Variants in WBP1L observed in about 807,000 individuals in gnomAD.
WBP1L encodes the protein WW domain binding protein 1 like, also known as WW domain binding protein 1-like.
Under a neutral mutation model 33.7 loss-of-function variants are expected in WBP1L, and 17 were observed. The observed-to-expected ratio is 0.50, with a 90% CI of 0.34 to 0.76. The LOEUF is 0.76. WBP1L is among the 30% of genes least tolerant of loss of function. The pLI is 0.01. For missense variants in WBP1L, 389 were observed against 469.4 expected, an observed-to-expected ratio of 0.83 and a Z score of 1.58; for synonymous variants, 173 against 190.8, an observed-to-expected ratio of 0.91 and a Z score of 0.77.
At chr10:102,761,642 G>A (rs2134032237) in intron 1 of WBP1L, among the ~76,000 whole-genome samples, 1 of 152,092 alleles carries the variant, frequency 6.6e-6, no homozygotes, top group East Asian at 1.9e-4. Context: ...ATTTTTAGTG[G>A]AGACAGGGTT....
intron 1 of WBP1L, among the ~76,000 whole-genome samples, chr10:102,781,369 C>T (rs1171509808): frequency 6.6e-6 from 1 of 152,146 alleles, no homozygotes; most frequent in Non-Finnish European, 1.5e-5. Flanking sequence ...CAGCGGCCAC[C>T]CATGAGGGAG....
At chr10:102,761,718 T>C (rs559792345) in intron 1 of WBP1L, among the ~76,000 whole-genome samples, 1 of 152,066 alleles carries the variant, frequency 6.6e-6, no homozygotes, top group African/African-American at 2.4e-5. Context: ...GGCCTAATTT[T>C]TTGTATTTTT....
chr10:102,772,985 G>GCAT lies in WBP1L; in HGVS notation c.91-25007_91-25006insATC, dbSNP rs558226874. Among the ~76,000 whole-genome samples, 6 of 151,336 alleles carry GCAT rather than the reference G, an allele frequency of 4.0e-5. No homozygotes were observed. The South Asian group carries it at 1.0e-3, about 26-fold the overall frequency. On this transcript the variant is annotated intron_variant, in intron 1 of 3. Transcript: ENST00000448841. ...ATTGAATTTAATTCTGCATTGGCAG[G>GCAT]CGGATGACTAAAGTCATTTGAAGAA...
At chr10:102,752,880 C>T (rs1842938495) in intron 1 of WBP1L, among the ~76,000 whole-genome samples, 1 of 152,168 alleles carries the variant, frequency 6.6e-6, no homozygotes, top group Admixed American at 6.5e-5. Flanking sequence ...TTTCAGGCCC[C>T]CAAGAGGCAG....
At chr10:102,776,295 C>T (rs1034862270) in intron 1 of WBP1L, 44 of 1,611,740 alleles carry the variant, frequency 2.7e-5, no homozygotes, top group Admixed American at 2.0e-4. Flanking sequence ...CCAGGACCAC[C>T]GCACACACAG....
chr10:102,809,794 AC>A lies in WBP1L; in HGVS notation c.194-97del, dbSNP rs1843801754. The A allele has an allele frequency of 2.2e-6, 3 of 1,388,244 alleles. No individual in the cohort carries two copies. The South Asian group carries it at 4.2e-5, about 20-fold the overall frequency. 86.0% of individuals were successfully genotyped at this position (1,388,244 alleles called of 1,614,324 possible). On this transcript the variant is annotated intron_variant, in intron 2 of 3. Transcript: ENST00000448841. ...GTGAGGCCCAGCCATGCCAGCTTCA[AC>A]CACGTGGGCACCGTCCAGGGACCTC...
At chr10:102,789,431 A>T (rs1038612342) in intron 1 of WBP1L, among the ~76,000 whole-genome samples, 2 of 151,986 alleles carry the variant, frequency 1.3e-5, no homozygotes, top group African/African-American at 4.8e-5. Flanking sequence ...TTTTGCGTGG[A>T]TTTGATATTT....
chr10:102,756,875 C>T (rs1842983745), intron 1 of WBP1L, among the ~76,000 whole-genome samples: 1 of 151,432 alleles, frequency 6.6e-6, no homozygotes, highest in Non-Finnish European at 1.5e-5. Context: ...TCGAGACCAG[C>T]CTGGGCAACA....
chr10:102,776,056 C>T, intron 1 of WBP1L: 1 of 977,894 alleles, frequency 1.0e-6, no homozygotes, highest in Non-Finnish European at 1.2e-6. Flanking sequence ...AGCACATCCT[C>T]CTCAGTATTC....
intron 1 of WBP1L, among the ~76,000 whole-genome samples, chr10:102,761,817 G>A (rs1843045633): frequency 6.6e-6 from 1 of 151,854 alleles, no homozygotes; most frequent in Non-Finnish European, 1.5e-5. Context: ...CGAAAGTGCT[G>A]GGATTATAAG....
intron 1 of WBP1L, among the ~76,000 whole-genome samples, chr10:102,762,118 G>C (rs1843049055): frequency 6.6e-6 from 1 of 152,122 alleles, no homozygotes; most frequent in Non-Finnish European, 1.5e-5. Context: ...TTCCCAAAGT[G>C]CTAAGATTAC....
chr10:102,785,386 A>G (rs1470973342), intron 1 of WBP1L, among the ~76,000 whole-genome samples: 1 of 147,170 alleles, frequency 6.8e-6, no homozygotes. Flanking sequence ...ATGGGGTTTC[A>G]CCGTGTTAGC....
At chr10:102,779,953 G>A (rs552554803) in intron 1 of WBP1L, among the ~76,000 whole-genome samples, 2 of 152,028 alleles carry the variant, frequency 1.3e-5, no homozygotes, top group Non-Finnish European at 2.9e-5. Flanking sequence ...AGTTGTTTTT[G>A]TTTTCTTCTG....
chr10:102,769,356 C>CTTT (rs376863934), intron 1 of WBP1L, among the ~76,000 whole-genome samples: 1 of 134,656 alleles, frequency 7.4e-6, no homozygotes, highest in African/African-American at 2.6e-5. Flanking sequence ...TTTCTTTTTT[C>CTTT]TTTCTTTTTT....
chr10:102,815,952 T>C lies in WBP1L; in HGVS notation c.*2621T>C, dbSNP rs1478174689. ...CTGCCCTGCTCAGAGAGAGATTTAA[T>C]AGGGAGCTGAAGGAATCGTTAGGGG... On this transcript the variant is annotated 3_prime_UTR_variant, in exon 4 of 4. Transcript: ENST00000448841. 3.9e-5 allele frequency: 6 copies of C among 152,574 alleles called. No homozygotes were observed. Among genetic ancestry groups the C allele is most frequent in the African/African-American group, 7.2e-5 (3 of 41,430 alleles). 9.5% of individuals were successfully genotyped at this position (152,574 alleles called of 1,614,324 possible).
At chr10:102,754,613 G>C (rs544634896) in intron 1 of WBP1L, among the ~76,000 whole-genome samples, 1 of 152,172 alleles carries the variant, frequency 6.6e-6, no homozygotes, top group East Asian at 1.9e-4. Context: ...GGCCAGGCTG[G>C]TCTCGAACTC....
At chr10:102,749,569 C>G (rs1323838005) in intron 1 of WBP1L, among the ~76,000 whole-genome samples, 1 of 151,940 alleles carries the variant, frequency 6.6e-6, no homozygotes, top group African/African-American at 2.4e-5. Context: ...CCACCTTGGC[C>G]TCCCAAAGTG....
intron 1 of WBP1L, among the ~76,000 whole-genome samples, chr10:102,762,272 A>G (rs775997887): frequency 1.3e-5 from 2 of 152,236 alleles, no homozygotes; most frequent in African/African-American, 4.8e-5. Flanking sequence ...TAGTCATCCC[A>G]TAGCATACCC....
chr10:102,773,674 G>A (rs1169387793), intron 1 of WBP1L, among the ~76,000 whole-genome samples: 2 of 152,050 alleles, frequency 1.3e-5, no homozygotes, highest in East Asian at 3.9e-4. Context: ...GATCACTTGA[G>A]GACAAGAGTT....
Sources: allele counts gnomAD v4.1 joint callset (sites outside exome capture counted in the v4.1 genomes callset), GRCh38; gene constraint gnomAD v4.1.1; transcripts MANE v1.5; gene names NCBI Gene and HGNC (gene_info 2026-07-23, HGNC 2026-07-21).